MYO19: variants seen among roughly 807,000 people sequenced by gnomAD.
MYO19 encodes unconventional myosin-XIX.
Under a neutral mutation model 129.2 loss-of-function variants are expected in MYO19, and 132 were observed. That is an observed-to-expected ratio of 1.02 (90% CI 0.89 to 1.18). The LOEUF (loss-of-function observed/expected upper bound fraction) is 1.18, where lower values mean the gene tolerates loss of function less well. Ranked by LOEUF, MYO19 falls within the 50% of genes most tolerant of loss-of-function variation. The probability of loss-of-function intolerance (pLI) is 0.00; values close to 1 mark genes in which losing one functional copy is unlikely to be tolerated. For missense variants in MYO19, 1,210 were observed against 1,216.7 expected (o/e 0.99, Z 0.08); for synonymous variants, 531 against 477.2 (o/e 1.11, Z -1.47).
intron 19 of MYO19, chr17:36,504,912 C>CA (rs35146983): frequency 0.039 from 7,366 of 187,672 alleles, 59 homozygotes; most frequent in South Asian, 0.062. Context: ...GGCTCAGTCT[C>CA]AAAAAAAAAA....
intron 6 of MYO19, among the ~76,000 whole-genome samples, chr17:36,522,774 G>A (rs894361534): frequency 2.6e-5 from 4 of 152,238 alleles, no homozygotes; most frequent in Non-Finnish European, 4.4e-5. Flanking sequence ...CTGGGAGGCC[G>A]AGGCGAGTGG....
At chr17:36,531,610 G>C (rs753905568) in intron 3 of MYO19, among the ~76,000 whole-genome samples, 2 of 151,572 alleles carry the variant, frequency 1.3e-5, no homozygotes, top group Non-Finnish European at 2.9e-5. Flanking sequence ...GAAAAAAAAA[G>C]TTTAAAAATA....
rs766196541 is a variant in MYO19 at position 36,498,288 on chromosome 17, G to T, written c.2735C>A (p.Thr912Lys). Reference protein sequence around the residue: ...VQTAQDQAGVTSIRALPQGSI... With the variant: ...VQTAQDQAGVKSIRALPQGSI... Reference sequence around the variant, plus strand: ...TACCTGAGGCAGCGCTCGGATGGACGTGACACCAGCCTGGTCTTGTGCTGT... The same window carrying T: ...TACCTGAGGCAGCGCTCGGATGGACTTGACACCAGCCTGGTCTTGTGCTGT... Residue 912 changes from threonine to lysine, a missense_variant, in exon 25 of 26, where the codon ACG becomes AAG. By Grantham distance (78) the Thr-to-Lys change is moderately conservative (BLOSUM62 -1). Transcript: ENST00000614623. 1.9e-6 allele frequency: 3 copies of T among 1,612,726 alleles called. No homozygotes were observed. Among genetic ancestry groups the T allele is most frequent in the Non-Finnish European group, 2.5e-6 (3 of 1,179,178 alleles).
chr17:36,517,268 T>C lies in MYO19; in HGVS notation c.415-1278A>G, dbSNP rs549917094. Among the ~76,000 whole-genome samples, 28 of 152,342 alleles carry C rather than the reference T, an allele frequency of 1.8e-4. No individual in the cohort carries two copies. The East Asian group carries it at 3.7e-3, about 20-fold the overall frequency. On this transcript the variant is annotated intron_variant, in intron 6 of 25. Transcript: ENST00000614623. ...GGAGAGTTATCATTTTTTTGTTTGTTTGTCTTCTTTAGAGGCAAAGTCTTG... is the reference window on the plus strand; with the variant it reads ...GGAGAGTTATCATTTTTTTGTTTGTCTGTCTTCTTTAGAGGCAAAGTCTTG...
chr17:36,504,383 G>C (rs892021287), intron 19 of MYO19: 2 of 230,364 alleles, frequency 8.7e-6, no homozygotes, highest in Admixed American at 5.4e-5. Context: ...GCAGGCATTA[G>C]AGGGTGGTTC....
intron 18 of MYO19, among the ~76,000 whole-genome samples, chr17:36,505,930 T>C (rs1201841963): frequency 2.0e-5 from 3 of 151,932 alleles, no homozygotes; most frequent in Non-Finnish European, 4.4e-5. Flanking sequence ...AGGTGCCTCC[T>C]CGAGGTGGTG....
At chr17:36,513,821 T>C in intron 9 of MYO19, 96 bp from the exon 10 acceptor site, 2 of 1,061,188 alleles carry the variant, frequency 1.9e-6, no homozygotes, top group African/African-American at 1.6e-5. Context: ...GGAGAGTTGG[T>C]AGCAACATCA....
intron 17 of MYO19, 75 bp from the exon 18 acceptor site, chr17:36,506,683 C>T: frequency 3.4e-6 from 5 of 1,473,932 alleles, no homozygotes; most frequent in Non-Finnish European, 4.5e-6. Context: ...CCCACCCAAG[C>T]CGCAGATGAC....
intron 6 of MYO19, among the ~76,000 whole-genome samples, chr17:36,516,972 C>G (rs1158995936): frequency 6.6e-6 from 1 of 152,022 alleles, no homozygotes; most frequent in Non-Finnish European, 1.5e-5. Context: ...AGTGAAGCCA[C>G]CAGGGCCTAC....
Position 36,511,422 on chromosome 17 carries a change from G to A in MYO19, c.928C>T (p.Gln310Ter), listed in dbSNP as rs769558176. 1.3e-6 allele frequency: 2 copies of A among 1,570,738 alleles called. No homozygotes were observed. The highest frequency in any genetic ancestry group is 1.7e-6 in the Non-Finnish European group (2 of 1,158,184). Residue 310 changes from glutamine to a stop codon, truncating the protein, a stop_gained, in exon 12 of 26, where the codon CAG (glutamine) becomes TAG (stop). Coordinates refer to ENST00000614623, the MANE Select transcript of MYO19 (RefSeq NM_001163735.2). LOFTEE classifies it high-confidence loss of function. ...LAGLLHLGNIQFAASEDEAQP... is the reference protein window; with the variant it reads ...LAGLLHLGNI ...GCTTCATCCTCGGAGGCAGCAAACT[G>A]GATATTGCCAAGGTGCAGCAGTCCA...
intron 19 of MYO19, chr17:36,504,923 A>G (rs2071773065): frequency 6.9e-6 from 2 of 291,286 alleles, no homozygotes; most frequent in African/African-American, 2.2e-5. Flanking sequence ...AAAAAAAAAA[A>G]AAAAAAAGAA....
At position 36,528,114 on chromosome 17, in the gene MYO19, A is replaced by G; in HGVS notation, c.101T>C (p.Leu34Pro). ...CCTGGTGAGGTCATCCAGTTTGTACAGCAGGACCTCCCCACCCAGGAACTC... is the reference window on the plus strand; with the variant it reads ...CCTGGTGAGGTCATCCAGTTTGTACGGCAGGACCTCCCCACCCAGGAACTC... ...LQEFLGGEVL[L>P]YKLDDLTRVN... The change falls in exon 4 of 26, where the codon CTG becomes CCG. Residue 34 changes from leucine (L) to proline (P), a missense_variant. Coordinates refer to ENST00000614623, the MANE Select transcript of MYO19 (RefSeq NM_001163735.2). 2.5e-6 allele frequency: 4 copies of G among 1,613,928 alleles called. No individual in the cohort carries two copies. The highest frequency in any genetic ancestry group is 3.4e-6 in the Non-Finnish European group (4 of 1,179,870).
chr17:36,521,563 T>C (rs1320150300), intron 6 of MYO19, among the ~76,000 whole-genome samples: 1 of 152,130 alleles, frequency 6.6e-6, no homozygotes, highest in Admixed American at 6.5e-5. Flanking sequence ...ACAAAAATAC[T>C]TTCCTGAACA....
At chr17:36,511,020 C>G in intron 12 of MYO19, 103 bp from the exon 13 acceptor site, 8 of 1,311,140 alleles carry the variant, frequency 6.1e-6, no homozygotes, top group Non-Finnish European at 8.3e-6. Context: ...CCCAACTGGA[C>G]AGAAGAAACC....
intron 23 of MYO19, chr17:36,499,654 C>CTTTTTTT (rs1260911885): frequency 1.4e-5 from 1 of 73,106 alleles, no homozygotes; most frequent in African/African-American, 6.0e-5. Context: ...TATTCTTTTT[C>CTTTTTTT]TTTTTGTTTC....
intron 21 of MYO19, among the ~76,000 whole-genome samples, chr17:36,502,645 A>G (rs969966567): frequency 6.6e-6 from 1 of 152,136 alleles, no homozygotes; most frequent in Non-Finnish European, 1.5e-5. Context: ...CTGCCCAGAG[A>G]ATAAAGTCCA....
chr17:36,518,960 T>C (rs907947834), intron 6 of MYO19, among the ~76,000 whole-genome samples: 1 of 152,184 alleles, frequency 6.6e-6, no homozygotes, highest in Admixed American at 6.5e-5. Context: ...GGAACATAGT[T>C]TGTATCATTT....
chr17:36,535,826 C>CT (rs77584694), upstream of MYO19, among the ~76,000 whole-genome samples: 156 of 143,684 alleles, frequency 1.1e-3, 1 homozygote, highest in African/African-American at 1.9e-3. Context: ...TTTAATTTTT[C>CT]TTTTTTTTTT....
chr17:36,533,147 C>T (rs975331138), intron 2 of MYO19: 4 of 152,950 alleles, frequency 2.6e-5, no homozygotes, highest in African/African-American at 9.6e-5. Flanking sequence ...CATCACCTAC[C>T]TCAATTTCTT....
Sources: allele counts gnomAD v4.1 joint callset (sites outside exome capture counted in the v4.1 genomes callset), GRCh38; gene constraint gnomAD v4.1.1; transcripts MANE v1.5; gene names NCBI Gene and HGNC (gene_info 2026-07-23, HGNC 2026-07-21).